ARHGEF2: variants seen among roughly 807,000 people sequenced by gnomAD.
The protein encoded by ARHGEF2 is Rho/Rac guanine nucleotide exchange factor 2.
ARHGEF2 carries 22 observed loss-of-function variants against 121.0 expected under a neutral mutation model. The ratio of observed to expected loss-of-function variants is 0.18; its 90% CI spans 0.13 to 0.26. The LOEUF (loss-of-function observed/expected upper bound fraction) is 0.26. ARHGEF2 is among the 10% of genes least tolerant of loss of function. The pLI is 1.00. For missense variants in ARHGEF2, 907 were observed against 1,336.0 expected (o/e 0.68, Z 5.01); for synonymous variants, 487 against 530.0 (o/e 0.92, Z 1.11).
intron 13 of ARHGEF2, among the ~76,000 whole-genome samples, chr1:155,956,952 T>G (rs1003358228): frequency 1.3e-4 from 19 of 150,660 alleles, no homozygotes; most frequent in Admixed American, 1.1e-3. Flanking sequence ...TCCCAGCTAT[T>G]TGGGAGGCTG....
At position 155,960,888 on chromosome 1, in the gene ARHGEF2, G is replaced by A. The variant is rs539736301; in HGVS notation, c.1468+773C>T. Among the ~76,000 whole-genome samples, 30 of 152,324 alleles carry A rather than the reference G, an allele frequency of 2.0e-4. No homozygotes were observed. In the East Asian group the frequency reaches 5.4e-3, roughly 27 times the overall value. The stretch of plus-strand genomic sequence containing the variant: ...AATTCTGGAAAGAGAGCCTGGGAAA[G>A]TGTGCCCTGGCCCCTGATCTGCTCC... On this transcript the variant is annotated intron_variant, in intron 11 of 21. Coordinates refer to ENST00000361247, the MANE Select transcript of ARHGEF2 (RefSeq NM_001162383.2).
At chr1:155,978,821 C>A (rs1572223299), upstream of ARHGEF2, 1 of 970,434 alleles carries the variant, frequency 1.0e-6, no homozygotes, top group Non-Finnish European at 1.2e-6. The surrounding 1 kb of genome is among the most constrained non-coding windows in gnomAD (Gnocchi z 4.1). Context: ...GCCCCGCAGC[C>A]CTCGCCGGAC....
intron 7 of ARHGEF2, among the ~76,000 whole-genome samples, chr1:155,964,172 A>ATC: frequency 1.5e-5 from 1 of 67,008 alleles, no homozygotes; most frequent in Non-Finnish European, 2.5e-5. Context: ...AAAAAAATAT[A>ATC]TATATATATA....
intron 2 of ARHGEF2, 36 bp downstream of exon 2, chr1:155,969,120 C>T (rs764025632): frequency 3.6e-5 from 58 of 1,610,726 alleles, no homozygotes; most frequent in Non-Finnish European, 4.3e-5. Context: ...CAGTGGGCAC[C>T]GAGTCTGGGT....
chr1:155,952,108 G>A lies in ARHGEF2; in HGVS notation c.2104+8C>T, dbSNP rs1050935714. 4 of 1,613,918 alleles carry A rather than the reference G, an allele frequency of 2.5e-6. No individual in the cohort carries two copies. The highest frequency in any genetic ancestry group is 1.3e-5 in the African/African-American group (1 of 74,878). ...CCTACTACCTTGGTCCCCTGCCCTG[G>A]TACTCACTGGCAGTGACCCCAGGAC... On this transcript the variant is annotated splice_region_variant and intron_variant, in intron 16 of 21. Transcript: ENST00000361247.
At position 155,951,617 on chromosome 1, in the gene ARHGEF2, C is replaced by G. The variant is rs1029469773; in HGVS notation, c.2209-84G>C. ...AGTTGAACAAGGGTGGGTGTGGGGA[C>G]AGTAGGATCCGGAGACATACTTGAA... On this transcript the variant is annotated intron_variant, in intron 18 of 21. Coordinates refer to ENST00000361247, the MANE Select transcript of ARHGEF2 (RefSeq NM_001162383.2). The surrounding 1 kb of genome is among the most constrained non-coding windows in gnomAD (Gnocchi z 5.1). 3.3e-5 allele frequency: 53 copies of G among 1,607,122 alleles called. No homozygotes were observed. Among genetic ancestry groups the G allele is most frequent in the Non-Finnish European group, 4.3e-5 (51 of 1,173,902 alleles).
In ARHGEF2 at chr1:155,961,622, G is replaced by C. The variant is rs761169799; in HGVS notation, c.1468+39C>G. 1 of 1,588,926 alleles carries C rather than the reference G, an allele frequency of 6.3e-7. No individual in the cohort carries two copies. Among genetic ancestry groups the C allele is most frequent in the Non-Finnish European group, 8.6e-7 (1 of 1,169,406 alleles). The stretch of plus-strand genomic sequence containing the variant: ...TGCAGGCATCTCCCACTCTCCATCT[G>C]ACTTTGAATTCCTGCCTAGTCTGCC... On this transcript the variant is annotated intron_variant, in intron 11 of 21. Transcript: ENST00000361247. This position sits in a 1 kb window ranked among gnomAD's most constrained non-coding sequence, Gnocchi z 4.7.
At chr1:155,954,369 C>T (rs1462479171) in intron 14 of ARHGEF2, among the ~76,000 whole-genome samples, 3 of 144,700 alleles carry the variant, frequency 2.1e-5, no homozygotes, top group Admixed American at 7.3e-5. Flanking sequence ...CTGCAAGCTC[C>T]GCCTCCCAGG....
In ARHGEF2 at chr1:155,978,122, G is replaced by T. The variant is rs761456302; in HGVS notation, c.63+243C>A. 1 of 1,236,724 alleles carries T rather than the reference G, an allele frequency of 8.1e-7. No homozygotes were observed. The highest frequency in any genetic ancestry group is 1.0e-6 in the Non-Finnish European group (1 of 985,298). 76.6% of individuals were successfully genotyped at this position (1,236,724 alleles called of 1,614,324 possible). A position where few individuals can be genotyped will look rare whatever the true frequency, so the allele number is the denominator to read the frequency against. On this transcript the variant is annotated intron_variant, in intron 1 of 21. Transcript: ENST00000361247. This position sits in a 1 kb window ranked among gnomAD's most constrained non-coding sequence, Gnocchi z 4.1. ...CACTCGGTCCCGCCGGCTTGGAGGC[G>T]ACCAAGCCCAGGTCCGCTCCGCTCC... is the stretch of plus-strand genomic sequence containing the variant.
Position 155,965,858 on chromosome 1 carries a change from C to T in ARHGEF2, c.341-98G>A, listed in dbSNP as rs1227391188. 2.2e-5 allele frequency: 30 copies of T among 1,377,670 alleles called. No individual in the cohort carries two copies. Among genetic ancestry groups the T allele is most frequent in the Non-Finnish European group, 2.7e-5 (28 of 1,041,686 alleles). The allele number at this position is 1,377,670 out of a possible 1,614,324, so 85.3% of individuals were successfully genotyped here. On this transcript the variant is annotated intron_variant, in intron 4 of 21. Coordinates refer to ENST00000361247, the MANE Select transcript of ARHGEF2 (RefSeq NM_001162383.2). The surrounding 1 kb of genome is among the most constrained non-coding windows in gnomAD (Gnocchi z 6.0). ...CTCAATGAGGAATGAGGCATCCTCT[C>T]ACTCCACCTCAGCCCCTCTAGTCAA...
chr1:155,965,874 C>T lies in ARHGEF2; in HGVS notation c.341-114G>A, dbSNP rs1285169727. 1.5e-6 allele frequency: 2 copies of T among 1,292,918 alleles called. No individual in the cohort carries two copies. Among genetic ancestry groups the T allele is most frequent in the African/African-American group, 1.5e-5 (1 of 66,430 alleles). 80.1% of individuals were successfully genotyped at this position (1,292,918 alleles called of 1,614,324 possible). A position where few individuals can be genotyped will look rare whatever the true frequency, so the allele number is the denominator to read the frequency against. On this transcript the variant is annotated intron_variant, in intron 4 of 21. Transcript: ENST00000361247. The surrounding 1 kb of genome is among the most constrained non-coding windows in gnomAD (Gnocchi z 6.0). ...GCATCCTCTCACTCCACCTCAGCCC[C>T]TCTAGTCAAGAAAGATGGTAATGAG...
rs1444471036 is a variant in ARHGEF2 at position 155,947,648 on chromosome 1, C to A, written c.*294G>T. 5.0e-6 allele frequency: 2 copies of A among 397,610 alleles called. No homozygotes were observed. The highest frequency in any genetic ancestry group is 9.3e-6 in the Non-Finnish European group (2 of 214,262). The allele number at this position is 397,610 out of a possible 1,614,324, so 24.6% of individuals were successfully genotyped here. A position where few individuals can be genotyped will look rare whatever the true frequency, so the allele number is the denominator to read the frequency against. The stretch of plus-strand genomic sequence containing the variant: ...CCCATGTCCCTGGTCCTTTAAATCT[C>A]CCCTCTCCCCCCATAACTAATAAAC... On this transcript the variant is annotated 3_prime_UTR_variant, in exon 22 of 22. Coordinates refer to ENST00000361247, the MANE Select transcript of ARHGEF2 (RefSeq NM_001162383.2).
chr1:155,960,311 A>G (rs1677615698), intron 11 of ARHGEF2, among the ~76,000 whole-genome samples: 1 of 152,118 alleles, frequency 6.6e-6, no homozygotes, highest in South Asian at 2.1e-4. Flanking sequence ...TCTACAAAAA[A>G]TTTAAAAATG....
At chr1:155,958,090 C>T (rs1677065136) in intron 12 of ARHGEF2, among the ~76,000 whole-genome samples, 1 of 152,242 alleles carries the variant, frequency 6.6e-6, no homozygotes, top group Admixed American at 6.5e-5. Flanking sequence ...GCTTTACTTT[C>T]ATCATCTATA....
At position 155,950,455 on chromosome 1, in the gene ARHGEF2, G is replaced by A. The variant is rs138449369; in HGVS notation, c.2731C>T (p.Leu911=). 67 of 1,613,980 alleles carry A rather than the reference G, an allele frequency of 4.2e-5. No homozygotes were observed. In the East Asian group the frequency reaches 1.5e-3, roughly 35 times the overall value. The part of the protein sequence containing the change: ...QPSRGTDRLD[L]PVTTRSVHRN... ...TGGACAGAGCGAGTAGTGACAGGTA[G>A]ATCCAGGCGGTCAGTGCCTCGGCTG... is the stretch of plus-strand genomic sequence containing the variant. Residue 911 remains leucine, a synonymous_variant, in exon 21 of 22, where the codon CTA becomes TTA. Transcript: ENST00000361247. This position sits in a 1 kb window ranked among gnomAD's most constrained non-coding sequence, Gnocchi z 5.2.
rs201083838 is a variant in ARHGEF2 at position 155,963,050 on chromosome 1, G to A, written c.858C>T (p.Leu286=). The A allele has an allele frequency of 1.8e-4, 295 of 1,614,148 alleles. No homozygotes were observed. Among genetic ancestry groups the A allele is most frequent in the Non-Finnish European group, 3.5e-5 (41 of 1,180,032 alleles). Residue 286 remains leucine, a synonymous_variant, in exon 8 of 22, where the codon CTC becomes CTT. Coordinates refer to ENST00000361247, the MANE Select transcript of ARHGEF2 (RefSeq NM_001162383.2). ...VQGLFPCVDE[L]SDIHTRFLSQ... ...TGAGGAAGCGTGTATGGATGTCACT[G>A]AGCTCGTCCACGCAGGGGAACAGGC... is the stretch of plus-strand genomic sequence containing the variant.
intron 2 of ARHGEF2, among the ~76,000 whole-genome samples, chr1:155,967,176 G>A (rs905528163): frequency 2.0e-5 from 3 of 152,278 alleles, no homozygotes; most frequent in South Asian, 2.1e-4. Context: ...AGGGGAGCAG[G>A]GGTCACTGGC....
In ARHGEF2 at chr1:155,962,068, G is replaced by C; in HGVS notation, c.1219+37C>G. 6.2e-7 allele frequency: 1 copy of C among 1,610,938 alleles called. No individual in the cohort carries two copies. The highest frequency in any genetic ancestry group is 8.5e-7 in the Non-Finnish European group (1 of 1,177,376). ...GAGCCTTTCCTCACCCCAGGTGGCC[G>C]TCTCCCAGTGGCCCTCTCCTGGGCC... On this transcript the variant is annotated intron_variant, in intron 10 of 21. Coordinates refer to ENST00000361247, the MANE Select transcript of ARHGEF2 (RefSeq NM_001162383.2). This position sits in a 1 kb window ranked among gnomAD's most constrained non-coding sequence, Gnocchi z 5.8.
At chr1:155,978,731 T>G, upstream of ARHGEF2, 1 of 780,452 alleles carries the variant, frequency 1.3e-6, no homozygotes, top group East Asian at 5.0e-5. The surrounding 1 kb of genome is among the most constrained non-coding windows in gnomAD (Gnocchi z 4.1). Flanking sequence ...GAGGCCCCTC[T>G]GCCTATTTCC....
Sources: allele counts gnomAD v4.1 joint callset (sites outside exome capture counted in the v4.1 genomes callset), GRCh38; gene constraint gnomAD v4.1.1; non-coding constraint Gnocchi (gnomAD v3.1); transcripts MANE v1.5; gene names NCBI Gene and HGNC (gene_info 2026-07-23, HGNC 2026-07-21).